The following PTK2B variants were observed in gnomAD, a reference collection of about 807,000 sequenced individuals.
The protein encoded by PTK2B is protein-tyrosine kinase 2-beta.
A neutral mutation model predicts 142.9 loss-of-function variants in PTK2B; 71 were observed. That is an observed-to-expected ratio of 0.50 (90% CI 0.41 to 0.61). PTK2B has a LOEUF of 0.61. Among genes scored for constraint, PTK2B ranks in the 20% least tolerant of loss-of-function variants. PTK2B has a pLI of 0.00. For synonymous variants in PTK2B, 519 were observed against 503.4 expected (o/e 1.03, Z -0.42); for missense variants, 1,105 against 1,320.4 (o/e 0.84, Z 2.53).
At chr8:27,395,905 G>A (rs1432899873) in intron 1 of PTK2B, among the ~76,000 whole-genome samples, 8 of 152,166 alleles carry the variant, frequency 5.3e-5, no homozygotes, top group Admixed American at 2.6e-4. Context: ...CTACATAGCA[G>A]AGTATTGACA....
chr8:27,349,939 C>T (rs1014595921), intron 1 of PTK2B, among the ~76,000 whole-genome samples: 1 of 152,222 alleles, frequency 6.6e-6, no homozygotes, highest in African/African-American at 2.4e-5. Flanking sequence ...GCAATACTTC[C>T]ACTCTCTGTT....
chr8:27,356,081 G>A (rs1002901549), intron 1 of PTK2B, among the ~76,000 whole-genome samples: 7 of 151,928 alleles, frequency 4.6e-5, no homozygotes, highest in Non-Finnish European at 7.4e-5. Context: ...CCTTGGAGCC[G>A]TCTGAGAGCC....
chr8:27,351,802 G>T (rs1278705090), intron 1 of PTK2B, among the ~76,000 whole-genome samples: 2 of 152,174 alleles, frequency 1.3e-5, no homozygotes, highest in East Asian at 3.8e-4. Flanking sequence ...ACCTGGTTAT[G>T]TAGGATTAAA....
chr8:27,430,457 T>A, intron 7 of PTK2B, 39 bp downstream of exon 7: 1 of 1,609,818 alleles, frequency 6.2e-7, no homozygotes, highest in Middle Eastern at 1.7e-4. Context: ...TCGTGCTGAT[T>A]CCCGAGACTA....
intron 10 of PTK2B, 141 bp from the exon 11 acceptor site, chr8:27,433,294 C>A (rs963349486): frequency 3.1e-5 from 22 of 706,132 alleles, no homozygotes; most frequent in South Asian, 2.1e-4. Flanking sequence ...GACTCCAGGG[C>A]AGGGCCCCAG....
chr8:27,328,753 T>A (rs1047378016), intron 1 of PTK2B, among the ~76,000 whole-genome samples: 2 of 152,208 alleles, frequency 1.3e-5, no homozygotes, highest in East Asian at 1.9e-4. Context: ...GTAGAGCCCA[T>A]GCACATTCTC....
At position 27,346,983 on chromosome 8, in the gene PTK2B, C is replaced by T. The variant is rs1804748912; in HGVS notation, c.-38+21302C>T. 2.0e-5 allele frequency among the ~76,000 whole-genome samples: 3 copies of T among 152,218 alleles called. No individual in the cohort carries two copies. The East Asian group carries it at 5.8e-4, about 29-fold the overall frequency. On this transcript the variant is annotated intron_variant, in intron 1 of 30. Transcript: ENST00000346049. ...TTATCCCCTGATCTAGGCTTAACAT[C>T]AAGAGTTACTTCTCCTCTTCTTTGC...
intron 3 of PTK2B, among the ~76,000 whole-genome samples, chr8:27,317,332 G>A (rs530061082): frequency 1.1e-4 from 17 of 152,336 alleles, no homozygotes; most frequent in Middle Eastern, 3.4e-3. Context: ...GATTACCTGA[G>A]ATACATTAGG....
At chr8:27,383,576 C>A (rs980932539) in intron 1 of PTK2B, among the ~76,000 whole-genome samples, 2 of 151,998 alleles carry the variant, frequency 1.3e-5, no homozygotes, top group African/African-American at 4.8e-5. Context: ...TTTCTTTCAT[C>A]AGTGTTTTAT....
At chr8:27,327,301 A>G (rs1803479020) in intron 1 of PTK2B, among the ~76,000 whole-genome samples, 2 of 152,138 alleles carry the variant, frequency 1.3e-5, no homozygotes, top group Non-Finnish European at 2.9e-5. Context: ...TTGGAGCAAC[A>G]CTTGGGACCT....
intron 3 of PTK2B, among the ~76,000 whole-genome samples, chr8:27,314,043 T>C (rs1179411219): frequency 6.6e-6 from 1 of 152,202 alleles, no homozygotes; most frequent in East Asian, 1.9e-4. Context: ...CTCATGCCTG[T>C]CTAACTACCT....
intron 1 of PTK2B, among the ~76,000 whole-genome samples, chr8:27,362,515 A>G (rs573293155): frequency 6.6e-6 from 1 of 152,064 alleles, no homozygotes; most frequent in East Asian, 1.9e-4. Flanking sequence ...GACTGTGGGG[A>G]GCAGGGTTCT....
At chr8:27,412,993 T>C (rs1321379628) in intron 2 of PTK2B, among the ~76,000 whole-genome samples, 11 of 151,832 alleles carry the variant, frequency 7.2e-5, no homozygotes, top group Admixed American at 5.3e-4. Context: ...CTCACCAGAG[T>C]CTCTTCTTTT....
intron 1 of PTK2B, among the ~76,000 whole-genome samples, chr8:27,350,253 CGTAAGTCACA>C (rs1316406772): frequency 1.3e-5 from 2 of 152,136 alleles, no homozygotes; most frequent in Non-Finnish European, 2.9e-5. Context: ...AAAGGCGTAA[CGTAAGTCACA>C]GTAAGTCAAA....
At chr8:27,441,103 T>C (rs1811133035) in intron 21 of PTK2B, among the ~76,000 whole-genome samples, 1 of 152,004 alleles carries the variant, frequency 6.6e-6, no homozygotes, top group African/African-American at 2.4e-5. Context: ...AAGGGCCAAA[T>C]AGTAAATATT....
chr8:27,448,802 G>A (rs1461876240), intron 24 of PTK2B, among the ~76,000 whole-genome samples: 1 of 152,216 alleles, frequency 6.6e-6, no homozygotes, highest in Non-Finnish European at 1.5e-5. Flanking sequence ...GTCTGCAGGT[G>A]TTGACATTTA....
intron 1 of PTK2B, among the ~76,000 whole-genome samples, chr8:27,367,595 G>A (rs1034393407): frequency 1.3e-5 from 2 of 152,222 alleles, no homozygotes; most frequent in Admixed American, 6.5e-5. Flanking sequence ...TTGCATTGTT[G>A]TAGCAGAATA....
intron 1 of PTK2B, among the ~76,000 whole-genome samples, chr8:27,342,199 C>CGGGTGAGA (rs1199965364): frequency 2.6e-5 from 4 of 152,144 alleles, no homozygotes; most frequent in Admixed American, 6.5e-5. Context: ...CCCTACTCCA[C>CGGGTGAGA]GGGTGAGATT....
At chr8:27,323,612 C>T (rs1803273847), upstream of PTK2B, among the ~76,000 whole-genome samples, 1 of 152,126 alleles carries the variant, frequency 6.6e-6, no homozygotes, top group African/African-American at 2.4e-5. Context: ...AATTTGAGGG[C>T]TCCTGAGGCA....
Sources: allele counts gnomAD v4.1 joint callset (sites outside exome capture counted in the v4.1 genomes callset), GRCh38; gene constraint gnomAD v4.1.1; transcripts MANE v1.5; gene names NCBI Gene and HGNC (gene_info 2026-07-23, HGNC 2026-07-21).